FAM3C: variants seen among roughly 807,000 people sequenced by gnomAD.
FAM3C encodes the protein protein FAM3C.
In FAM3C, 15 loss-of-function variants were observed where a neutral mutation model predicts 32.5. The observed-to-expected ratio is 0.46, with a 90% CI of 0.31 to 0.71. FAM3C has a LOEUF of 0.71. FAM3C is among the 30% of genes least tolerant of loss of function. FAM3C has a pLI of 0.05. For synonymous variants in FAM3C, 75 were observed against 86.1 expected (o/e 0.87, Z 0.72); for missense variants, 175 against 274.4 (o/e 0.64, Z 2.56).
Position 121,372,060 on chromosome 7 carries a change from T to A in FAM3C, c.148+50A>T. The A allele has an allele frequency of 2.9e-6, 4 of 1,393,900 alleles. No individual in the cohort carries two copies. The Middle Eastern group carries it at 7.4e-4, about 258-fold the overall frequency. The allele number at this position is 1,393,900 out of a possible 1,614,324, so 86.3% of individuals were successfully genotyped here. On this transcript the variant is annotated intron_variant, in intron 4 of 9. Transcript: ENST00000359943. ...GACACTTTGAATATAAGCTCTCATATGCCTAAGGCAGAATAAATCATACAT... is the reference window on the plus strand; with the variant it reads ...GACACTTTGAATATAAGCTCTCATAAGCCTAAGGCAGAATAAATCATACAT...
At chr7:121,374,821 A>G (rs1190977291) in intron 3 of FAM3C, among the ~76,000 whole-genome samples, 1 of 152,244 alleles carries the variant, frequency 6.6e-6, no homozygotes, top group Non-Finnish European at 1.5e-5. Flanking sequence ...ATCAGGAAAA[A>G]TCAAGAAATA....
intron 1 of FAM3C, among the ~76,000 whole-genome samples, chr7:121,393,318 T>C (rs1794616821): frequency 6.6e-6 from 1 of 152,100 alleles, no homozygotes; most frequent in Non-Finnish European, 1.5e-5. Context: ...ATTAGTCGTG[T>C]GTGGTGGCAC....
chr7:121,385,377 T>C (rs1378262689), intron 1 of FAM3C, among the ~76,000 whole-genome samples: 1 of 152,182 alleles, frequency 6.6e-6, no homozygotes, highest in Non-Finnish European at 1.5e-5. Flanking sequence ...CAAATCCAGT[T>C]GCTAATATGT....
rs563451442 is a variant in FAM3C at position 121,385,067 on chromosome 7, A to C, written c.-41-2057T>G. On this transcript the variant is annotated intron_variant, in intron 1 of 9. Coordinates refer to ENST00000359943, the MANE Select transcript of FAM3C (RefSeq NM_014888.3). ...ACCATCAATAATTAAACAAGGATTG[A>C]ACAGGTCCAGAGAAAAGGAGCACAA... Among the ~76,000 whole-genome samples, 10 of 152,302 alleles carry C rather than the reference A, an allele frequency of 6.6e-5. No individual in the cohort carries two copies. In the South Asian group the frequency reaches 1.7e-3, roughly 25 times the overall value.
At chr7:121,395,679 C>A (rs1352055112) in intron 1 of FAM3C, among the ~76,000 whole-genome samples, 1 of 152,148 alleles carries the variant, frequency 6.6e-6, no homozygotes, top group Non-Finnish European at 1.5e-5. Flanking sequence ...TTGTAAAAAA[C>A]CAAAAGTACC....
chr7:121,382,858 C>A, intron 2 of FAM3C, 99 bp downstream of exon 2: 3 of 889,150 alleles, frequency 3.4e-6, no homozygotes, highest in South Asian at 1.8e-5. Context: ...TCAGTTTAAC[C>A]TTCTCAATAT....
chr7:121,384,468 C>G (rs775082357), intron 1 of FAM3C, among the ~76,000 whole-genome samples: 1 of 152,160 alleles, frequency 6.6e-6, no homozygotes, highest in African/African-American at 2.4e-5. Flanking sequence ...TTCCTGCCAG[C>G]TAATTTTCCA....
In FAM3C at chr7:121,359,891, G is replaced by T. The variant is rs1349893545; in HGVS notation, c.467+152C>A. The T allele has an allele frequency of 1.7e-5, 10 of 595,008 alleles. No homozygotes were observed. The South Asian group carries it at 1.9e-4, about 11-fold the overall frequency. The allele number at this position is 595,008 out of a possible 1,614,324, so 36.9% of individuals were successfully genotyped here. Reference sequence around the variant, plus strand: ...TGATAAACATTTACATATAAAACCAGGAAGGAGGCAAAGTAAAAACAAAAA... The same window carrying T: ...TGATAAACATTTACATATAAAACCATGAAGGAGGCAAAGTAAAAACAAAAA... On this transcript the variant is annotated intron_variant, in intron 8 of 9. Coordinates refer to ENST00000359943, the MANE Select transcript of FAM3C (RefSeq NM_014888.3).
intron 5 of FAM3C, among the ~76,000 whole-genome samples, chr7:121,366,940 G>T (rs1236289337): frequency 6.6e-6 from 1 of 152,168 alleles, no homozygotes; most frequent in Non-Finnish European, 1.5e-5. Flanking sequence ...TCATCAAGGA[G>T]TATGATGTGG....
chr7:121,364,154 CTCT>C lies in FAM3C; in HGVS notation c.304_306del (p.Arg102del). Reference sequence around the variant, plus strand: ...CCATTTGCCAAGGCAACATTGATCCCTCTTCCAACATTATTCTTAACACCACTC... The same window carrying C: ...CCATTTGCCAAGGCAACATTGATCCCTCCAACATTATTCTTAACACCACTC... On this transcript the variant is annotated inframe_deletion, in exon 6 of 10. Transcript: ENST00000359943. The C allele has an allele frequency of 6.2e-7, 1 of 1,602,704 alleles. No homozygotes were observed. Among genetic ancestry groups the C allele is most frequent in the Non-Finnish European group, 8.5e-7 (1 of 1,170,022 alleles).
Position 121,350,409 on chromosome 7 carries a change from C to G in FAM3C, c.*52G>C. On this transcript the variant is annotated 3_prime_UTR_variant, in exon 10 of 10. Transcript: ENST00000359943. ...TTACACATAGCTCTGCCATTTATAG[C>G]TCTCCCATTAAGAGTGAAAGTGCGC... 1 of 1,609,212 alleles carries G rather than the reference C, an allele frequency of 6.2e-7. No homozygotes were observed. The highest frequency in any genetic ancestry group is 8.5e-7 in the Non-Finnish European group (1 of 1,178,086).
At chr7:121,381,630 T>A (rs932388252) in intron 2 of FAM3C, among the ~76,000 whole-genome samples, 8 of 151,030 alleles carry the variant, frequency 5.3e-5, no homozygotes, top group African/African-American at 1.9e-4. Flanking sequence ...TCATAAATAG[T>A]AAGTCCTGCT....
chr7:121,359,031 A>G (rs2707508), intron 8 of FAM3C, among the ~76,000 whole-genome samples: 5,290 of 152,042 alleles, frequency 0.035, 333 homozygotes, highest in African/African-American at 0.12. Flanking sequence ...TAATAAAGGC[A>G]TATTAAAATA....
Position 121,357,675 on chromosome 7 carries a change from G to A in FAM3C, c.467+2368C>T, listed in dbSNP as rs898008034. Among the ~76,000 whole-genome samples, 3 of 152,232 alleles carry A rather than the reference G, an allele frequency of 2.0e-5. No individual in the cohort carries two copies. In the South Asian group the frequency reaches 6.2e-4, roughly 32 times the overall value. ...ACTCAATTCATTTAAATTCACAGAT[G>A]AATCATATATTGACCAAGTGACCAA... On this transcript the variant is annotated intron_variant, in intron 8 of 9. Coordinates refer to ENST00000359943, the MANE Select transcript of FAM3C (RefSeq NM_014888.3).
At chr7:121,364,924 A>C (rs1054120975) in intron 5 of FAM3C, among the ~76,000 whole-genome samples, 28 of 152,274 alleles carry the variant, frequency 1.8e-4, no homozygotes, top group Admixed American at 9.8e-4. Context: ...CTTTTAACTC[A>C]AAACTTCAAG....
Position 121,360,042 on chromosome 7 carries a change from C to G in FAM3C, c.467+1G>C. ...CAAAAAGTTCTGTAAAGTTTACATA[C>G]TTGGTTGCTCCATCATCGTATGTTC... On this transcript the variant is annotated splice_donor_variant, in intron 8 of 9. Transcript: ENST00000359943. LOFTEE classifies it high-confidence loss of function. 7.2e-7 allele frequency: 1 copy of G among 1,398,028 alleles called. No individual in the cohort carries two copies. The highest frequency in any genetic ancestry group is 1.0e-6 in the Non-Finnish European group (1 of 997,808). The allele number at this position is 1,398,028 out of a possible 1,614,324, so 86.6% of individuals were successfully genotyped here.
chr7:121,385,143 G>C (rs1485880674), intron 1 of FAM3C, among the ~76,000 whole-genome samples: 1 of 152,034 alleles, frequency 6.6e-6, no homozygotes, highest in Non-Finnish European at 1.5e-5. Context: ...TCTAAATCTA[G>C]AGGCAACAGG....
chr7:121,392,184 T>C (rs1794589958), intron 1 of FAM3C, among the ~76,000 whole-genome samples: 1 of 152,216 alleles, frequency 6.6e-6, no homozygotes, highest in South Asian at 2.1e-4. Context: ...GATGCTTCTA[T>C]TGTAAAATTT....
chr7:121,370,479 T>G (rs1794123668), intron 5 of FAM3C, among the ~76,000 whole-genome samples: 1 of 152,138 alleles, frequency 6.6e-6, no homozygotes, highest in Non-Finnish European at 1.5e-5. Context: ...CGTGACAAAT[T>G]TATTATTTTA....
Sources: gnomAD v4.1 joint callset for allele counts (sites outside exome capture counted in the v4.1 genomes callset) on GRCh38, gnomAD v4.1.1 for gene constraint, MANE v1.5 for transcripts, NCBI Gene and HGNC (gene_info 2026-07-23, HGNC 2026-07-21) for gene names.